Variants in ANKDD1A observed in about 807,000 individuals in gnomAD.
ANKDD1A encodes the protein ankyrin repeat and death domain-containing protein 1A.
Under a neutral mutation model 63.5 loss-of-function variants are expected in ANKDD1A, and 59 were observed. The ratio of observed to expected loss-of-function variants is 0.93; its 90% CI spans 0.75 to 1.15. The LOEUF (loss-of-function observed/expected upper bound fraction) is 1.15, where lower values mean the gene tolerates loss of function less well. ANKDD1A is among the 50% of genes most tolerant of loss of function. The probability of loss-of-function intolerance (pLI) is 0.00; values close to 1 mark genes in which losing one functional copy is unlikely to be tolerated. For synonymous variants in ANKDD1A, 266 were observed against 263.9 expected (o/e 1.01, Z -0.08); for missense variants, 632 against 656.4 (o/e 0.96, Z 0.41).
intron 14 of ANKDD1A, among the ~76,000 whole-genome samples, chr15:64,955,896 C>T (rs373572204): frequency 9.9e-5 from 15 of 152,252 alleles, no homozygotes; most frequent in African/African-American, 3.6e-4. Flanking sequence ...TACATATAAA[C>T]CTGTATGCAT....
At position 64,942,556 on chromosome 15, in the gene ANKDD1A, C is replaced by T. The variant is rs139783493; in HGVS notation, c.957C>T (p.Ala319=). The change falls in exon 10 of 15, where the codon GCC becomes GCT. Residue 319 remains alanine (A), a synonymous_variant. Coordinates refer to ENST00000319580, the MANE Select transcript of ANKDD1A (RefSeq NM_182703.6). ...LLINSDSDVN[A]VDNRQQTPLH... The stretch of plus-strand genomic sequence containing the variant: ...TCAACTCCGACAGTGACGTGAATGC[C>T]GTGGACAATGTAAGTGGCTACAGAG... 1.3e-4 allele frequency: 207 copies of T among 1,613,126 alleles called. No homozygotes were observed. The highest frequency in any genetic ancestry group is 3.1e-4 in the African/African-American group (23 of 74,844).
At chr15:64,928,129 C>T (rs972012980) in intron 6 of ANKDD1A, among the ~76,000 whole-genome samples, 10 of 152,196 alleles carry the variant, frequency 6.6e-5, no homozygotes, top group African/African-American at 2.4e-4. Context: ...CATGCCTTAG[C>T]CAGGGCCACA....
At chr15:64,950,944 T>A in intron 14 of ANKDD1A, 1 of 1,270,584 alleles carries the variant, frequency 7.9e-7, no homozygotes. Context: ...AAGATTCTTG[T>A]TTTTAACAGA....
In ANKDD1A at chr15:64,912,764, C is replaced by T. The variant is rs183323380; in HGVS notation, c.34+800C>T. Among the ~76,000 whole-genome samples the T allele has an allele frequency of 2.6e-3, 394 of 152,366 alleles. 1 individual carries two copies. The highest frequency in any genetic ancestry group is 0.01 in the Middle Eastern group (3 of 294). Reference sequence around the variant, plus strand: ...AGCGCATAGTGCAGCTCACTGGATTCCTTTGAGACCTATAGTGTCCAAAAT... The same window carrying T: ...AGCGCATAGTGCAGCTCACTGGATTTCTTTGAGACCTATAGTGTCCAAAAT... On this transcript the variant is annotated intron_variant, in intron 1 of 14. Coordinates refer to ENST00000319580, the MANE Select transcript of ANKDD1A (RefSeq NM_182703.6).
At chr15:64,931,015 G>T in intron 7 of ANKDD1A, 95 bp downstream of exon 7, 1 of 1,307,964 alleles carries the variant, frequency 7.6e-7, no homozygotes, top group Non-Finnish European at 1.1e-6. Flanking sequence ...TCTAAAGCCA[G>T]AAGGCTGAGG....
chr15:64,913,581 A>C (rs2140362293), intron 1 of ANKDD1A, among the ~76,000 whole-genome samples: 1 of 152,298 alleles, frequency 6.6e-6, no homozygotes, highest in South Asian at 2.1e-4. Context: ...AGTTGAACCC[A>C]GGACTGTGTG....
chr15:64,912,852 T>G (rs2084941778), intron 1 of ANKDD1A, among the ~76,000 whole-genome samples: 1 of 152,190 alleles, frequency 6.6e-6, no homozygotes, highest in South Asian at 2.1e-4. Flanking sequence ...CAATCAAGAT[T>G]AGGTACATGG....
chr15:64,922,206 C>T (rs2085012905), intron 4 of ANKDD1A, 187 bp downstream of exon 4: 1 of 575,356 alleles, frequency 1.7e-6, no homozygotes, highest in Non-Finnish European at 3.1e-6. Flanking sequence ...GTTCCCAGCC[C>T]TCTGGCTGGC....
chr15:64,948,435 CA>C (rs1228991037), intron 13 of ANKDD1A, among the ~76,000 whole-genome samples: 4 of 152,048 alleles, frequency 2.6e-5, no homozygotes, highest in African/African-American at 9.7e-5. Context: ...GAAGAATAAA[CA>C]GGGATATAAA....
chr15:64,952,415 C>CTTAG (rs2085308031), intron 14 of ANKDD1A, among the ~76,000 whole-genome samples: 1 of 768 alleles, frequency 1.3e-3, no homozygotes, highest in African/African-American at 1.6e-3. Flanking sequence ...TCTTCTTCTC[C>CTTAG]TTCTTAGTTT....
At chr15:64,921,664 C>A (rs2085007536) in intron 3 of ANKDD1A, among the ~76,000 whole-genome samples, 1 of 152,104 alleles carries the variant, frequency 6.6e-6, no homozygotes, top group Non-Finnish European at 1.5e-5. Flanking sequence ...CGTGAGCCAC[C>A]AAGCCTGGCC....
intron 12 of ANKDD1A, among the ~76,000 whole-genome samples, chr15:64,947,053 A>G: frequency 6.6e-6 from 1 of 152,154 alleles, no homozygotes; most frequent in African/African-American, 2.4e-5. Flanking sequence ...GCTGACACCC[A>G]TGCTATAAGA....
intron 12 of ANKDD1A, among the ~76,000 whole-genome samples, chr15:64,945,609 T>TATATATAC (rs2085216785): frequency 1.3e-5 from 1 of 75,202 alleles, no homozygotes; most frequent in African/African-American, 6.2e-5. Context: ...ATTTTCAACA[T>TATATATAC]ATATATATAT....
chr15:64,941,895 TC>T (rs2085187513), intron 9 of ANKDD1A, among the ~76,000 whole-genome samples: 1 of 152,168 alleles, frequency 6.6e-6, no homozygotes, highest in Admixed American at 6.5e-5. Context: ...CATTCATTTT[TC>T]TACACAAATA....
At chr15:64,956,323 G>A (rs2085416424) in intron 14 of ANKDD1A, among the ~76,000 whole-genome samples, 1 of 151,682 alleles carries the variant, frequency 6.6e-6, no homozygotes, top group South Asian at 2.1e-4. Context: ...GGCAAGGCGG[G>A]CAGATCACGA....
Position 64,922,101 on chromosome 15 carries a change from C to T in ANKDD1A, c.366+82C>T. On this transcript the variant is annotated intron_variant, in intron 4 of 14. Coordinates refer to ENST00000319580, the MANE Select transcript of ANKDD1A (RefSeq NM_182703.6). Reference sequence around the variant, plus strand: ...GGTCTCCCCCGACCTCTGTCCCCCACCCCTGCTTGCCCCTCCAGCCCCCAA... The same window carrying T: ...GGTCTCCCCCGACCTCTGTCCCCCATCCCTGCTTGCCCCTCCAGCCCCCAA... 4.0e-6 allele frequency: 5 copies of T among 1,248,248 alleles called. No individual in the cohort carries two copies. The South Asian group carries it at 5.4e-5, about 13-fold the overall frequency. 77.3% of individuals were successfully genotyped at this position (1,248,248 alleles called of 1,614,324 possible).
chr15:64,940,445 T>G (rs950859111), intron 9 of ANKDD1A, among the ~76,000 whole-genome samples: 2 of 151,780 alleles, frequency 1.3e-5, no homozygotes, highest in African/African-American at 2.4e-5. Context: ...TATAGATATT[T>G]TTTTTGAGAC....
At chr15:64,956,057 T>C (rs1338330354) in intron 14 of ANKDD1A, among the ~76,000 whole-genome samples, 1 of 152,164 alleles carries the variant, frequency 6.6e-6, no homozygotes, top group Non-Finnish European at 1.5e-5. Context: ...TGAGAGTGCT[T>C]TCCAAGTGTT....
At chr15:64,955,430 T>C (rs2085408776) in intron 14 of ANKDD1A, among the ~76,000 whole-genome samples, 1 of 152,148 alleles carries the variant, frequency 6.6e-6, no homozygotes, top group African/African-American at 2.4e-5. Flanking sequence ...TTATTTGAAA[T>C]TGCAGGCACC....
Sources: gnomAD v4.1 joint callset for allele counts (sites outside exome capture counted in the v4.1 genomes callset) on GRCh38, gnomAD v4.1.1 for gene constraint, MANE v1.5 for transcripts, NCBI Gene and HGNC (gene_info 2026-07-23, HGNC 2026-07-21) for gene names.